Variants in UROC1 observed in about 807,000 individuals in gnomAD.
UROC1 encodes the protein urocanate hydratase.
A neutral mutation model predicts 89.5 loss-of-function variants in UROC1; 79 were observed. The observed-to-expected ratio is 0.88, with a 90% CI of 0.74 to 1.06. The LOEUF (loss-of-function observed/expected upper bound fraction) is 1.06. UROC1 is among the 50% of genes least tolerant of loss of function. The pLI is 0.00. For synonymous variants in UROC1, 361 were observed against 354.8 expected, an observed-to-expected ratio of 1.02 and a Z score of -0.20; for missense variants, 885 against 907.8, an observed-to-expected ratio of 0.97 and a Z score of 0.32.
intron 4 of UROC1, 44 bp from the exon 5 acceptor site, chr3:126,508,139 C>T (rs760039922): frequency 1.7e-5 from 28 of 1,612,518 alleles, no homozygotes; most frequent in Non-Finnish European, 1.8e-5. Flanking sequence ...ACAGAAGCAG[C>T]ACCCCACACC....
intron 14 of UROC1, among the ~76,000 whole-genome samples, chr3:126,497,402 A>G (rs568680589): frequency 1.5e-4 from 23 of 152,252 alleles, no homozygotes; most frequent in Non-Finnish European, 2.6e-4. Flanking sequence ...CAGGCAGGCC[A>G]TGTAGACATG....
intron 16 of UROC1, 138 bp downstream of exon 16, chr3:126,492,280 C>G (rs1576714031): frequency 1.2e-6 from 1 of 814,516 alleles, no homozygotes; most frequent in African/African-American, 1.7e-5. Context: ...GAGCACTGGG[C>G]TGCTGAGGCC....
chr3:126,495,905 G>T, intron 15 of UROC1, 133 bp downstream of exon 15: 2 of 837,908 alleles, frequency 2.4e-6, no homozygotes, highest in Non-Finnish European at 3.9e-6. Flanking sequence ...ACAGGATCTT[G>T]TGTGTGCACC....
At chr3:126,513,845 C>T (rs1936246658) in intron 1 of UROC1, among the ~76,000 whole-genome samples, 1 of 152,118 alleles carries the variant, frequency 6.6e-6, no homozygotes, top group African/African-American at 2.4e-5. Context: ...TCCATGGGCT[C>T]CCTATTACCC....
chr3:126,502,363 C>A (rs542162501), intron 9 of UROC1, among the ~76,000 whole-genome samples: 4 of 149,456 alleles, frequency 2.7e-5, no homozygotes, highest in Admixed American at 2.0e-4. Flanking sequence ...GTGTTACATG[C>A]ATGTTTGTGT....
At chr3:126,489,191 G>C in intron 17 of UROC1, 85 bp downstream of exon 17, 1 of 1,340,828 alleles carries the variant, frequency 7.5e-7, no homozygotes, top group South Asian at 1.2e-5. Context: ...AACATCTTTC[G>C]AAACATTGTG....
chr3:126,504,375 G>T (rs1006199182), intron 8 of UROC1, among the ~76,000 whole-genome samples: 4 of 152,156 alleles, frequency 2.6e-5, no homozygotes, highest in Admixed American at 2.6e-4. Flanking sequence ...CTCCCTTGCA[G>T]ATAAGAACAT....
Position 126,499,405 on chromosome 3 carries a change from C to T in UROC1, c.1248G>A (p.Ala416=), listed in dbSNP as rs759615533. 33 of 1,612,110 alleles carry T rather than the reference C, an allele frequency of 2.0e-5. 1 individual carries two copies. In the Admixed American group the frequency reaches 2.8e-4, roughly 14 times the overall value. ...TGCCAGCACCTTTCTTCTCCACATC[C>T]GCTCCTGTGGGCAGAGCCCGGACAG... is the stretch of plus-strand genomic sequence containing the variant. The part of the protein sequence containing the change: ...AFLLEAQRAG[A]DVEKKGAGRT... The change falls in exon 13 of 20, where the codon GCG becomes GCA. Residue 416 remains alanine (A), a synonymous_variant. Transcript: ENST00000290868.
chr3:126,509,633 G>A lies in UROC1; in HGVS notation c.303C>T (p.Ala101=), dbSNP rs758254036. 28 of 1,552,056 alleles carry A rather than the reference G, an allele frequency of 1.8e-5. No individual in the cohort carries two copies. The highest frequency in any genetic ancestry group is 9.8e-5 in the Admixed American group (5 of 51,094). Residue 101 remains alanine (A), a synonymous_variant, in exon 3 of 20, where the codon GCC becomes GCT. Coordinates refer to ENST00000290868, the MANE Select transcript of UROC1 (RefSeq NM_144639.3). ...EQYPCQTKVA[A]AIMHMIMNNL... Reference sequence around the variant, plus strand: ...TGTTCATAATCATGTGCATGATGGCGGCAGCCACTTTCGTCTGGCAGGGGT... The same window carrying A: ...TGTTCATAATCATGTGCATGATGGCAGCAGCCACTTTCGTCTGGCAGGGGT...
At chr3:126,501,707 T>C in intron 9 of UROC1, 1 of 1,428,572 alleles carries the variant, frequency 7.0e-7, no homozygotes, top group Non-Finnish European at 9.4e-7. Context: ...AACAGAAGAT[T>C]TGAACAGGCC....
chr3:126,508,173 C>T, intron 4 of UROC1, 78 bp from the exon 5 acceptor site: 6 of 1,610,812 alleles, frequency 3.7e-6, no homozygotes, highest in Non-Finnish European at 5.1e-6. Context: ...CCGTCCACGC[C>T]TGGACAGCTC....
intron 10 of UROC1, 77 bp downstream of exon 10, chr3:126,501,141 G>T: frequency 6.9e-7 from 1 of 1,458,080 alleles, no homozygotes; most frequent in Non-Finnish European, 9.6e-7. Flanking sequence ...GGCAGCTCCT[G>T]GTCAGCATTG....
chr3:126,504,777 C>G (rs1452452112), intron 8 of UROC1, among the ~76,000 whole-genome samples: 1 of 152,216 alleles, frequency 6.6e-6, no homozygotes, highest in East Asian at 1.9e-4. Context: ...CCTCAAGGCT[C>G]CTTGCCTCCT....
intron 1 of UROC1, 151 bp downstream of exon 1, chr3:126,517,443 G>T: frequency 8.5e-7 from 1 of 1,181,692 alleles, no homozygotes; most frequent in Non-Finnish European, 1.2e-6. Context: ...AGTCCACTGT[G>T]CATTGCACCC....
intron 2 of UROC1, among the ~76,000 whole-genome samples, chr3:126,510,242 G>A (rs993684731): frequency 1.3e-5 from 2 of 152,196 alleles, no homozygotes; most frequent in African/African-American, 4.8e-5. Flanking sequence ...GGCCTCCAGG[G>A]GTGCTGTGCA....
chr3:126,505,916 C>G (rs748891571), intron 7 of UROC1, 29 bp downstream of exon 7: 10 of 1,612,728 alleles, frequency 6.2e-6, no homozygotes. Flanking sequence ...GCTGGGAAGC[C>G]CACAGCCAGG....
intron 3 of UROC1, among the ~76,000 whole-genome samples, 196 bp from the exon 4 acceptor site, chr3:126,508,671 G>T (rs1560126942): frequency 6.6e-6 from 1 of 152,136 alleles, no homozygotes. Flanking sequence ...TCAGCTTGGG[G>T]TCAGGGGCAG....
intron 1 of UROC1, among the ~76,000 whole-genome samples, chr3:126,512,745 T>C (rs927170203): frequency 1.3e-5 from 2 of 152,146 alleles, no homozygotes; most frequent in African/African-American, 2.4e-5. Flanking sequence ...TGTATATATA[T>C]AATGAACTTT....
At chr3:126,485,469 C>T (rs1467641162) in intron 18 of UROC1, among the ~76,000 whole-genome samples, 7 of 152,156 alleles carry the variant, frequency 4.6e-5, no homozygotes, top group African/African-American at 1.7e-4. Context: ...AGACAGGGCC[C>T]TGGAAGCCCT....
Sources: gnomAD v4.1 joint callset for allele counts (sites outside exome capture counted in the v4.1 genomes callset) on GRCh38, gnomAD v4.1.1 for gene constraint, MANE v1.5 for transcripts, NCBI Gene and HGNC (gene_info 2026-07-23, HGNC 2026-07-21) for gene names.